CCM2: variants seen among roughly 807,000 people sequenced by gnomAD.
CCM2 encodes the protein cerebral cavernous malformations 2 protein.
CCM2 carries 25 observed loss-of-function variants against 44.9 expected under a neutral mutation model. The observed-to-expected ratio is 0.56, with a 90% CI of 0.41 to 0.78. The LOEUF (loss-of-function observed/expected upper bound fraction) is 0.78. Among genes scored for constraint, CCM2 ranks in the 30% least tolerant of loss-of-function variants. CCM2 has a pLI of 0.00. For synonymous variants in CCM2, 219 were observed against 241.1 expected, an observed-to-expected ratio of 0.91 and a Z score of 0.85; for missense variants, 481 against 580.6, an observed-to-expected ratio of 0.83 and a Z score of 1.76.
intron 1 of CCM2, among the ~76,000 whole-genome samples, chr7:45,030,628 TG>T (rs1796921016): frequency 6.6e-6 from 1 of 152,218 alleles, no homozygotes; most frequent in South Asian, 2.1e-4. Flanking sequence ...TTGTCCAGGC[TG>T]GTCTTGAACT....
Position 45,025,221 on chromosome 7 carries a change from A to G in CCM2, c.31-13032A>G, listed in dbSNP as rs562284814. On this transcript the variant is annotated intron_variant, in intron 1 of 9. Transcript: ENST00000258781. Reference sequence around the variant, plus strand: ...TTTTATTGATGAAATTCAAGGTATAATAATTGAGTACAATTTTTTGTAATA... The same window carrying G: ...TTTTATTGATGAAATTCAAGGTATAGTAATTGAGTACAATTTTTTGTAATA... Among the ~76,000 whole-genome samples, 41 of 152,334 alleles carry G rather than the reference A, an allele frequency of 2.7e-4. No individual in the cohort carries two copies. The South Asian group carries it at 8.3e-3, about 31-fold the overall frequency.
At chr7:45,049,357 C>T (rs969609020) in intron 2 of CCM2, among the ~76,000 whole-genome samples, 3 of 152,296 alleles carry the variant, frequency 2.0e-5, no homozygotes, top group South Asian at 4.1e-4. Flanking sequence ...GTGCACCCTC[C>T]GTGGGAGGAA....
At chr7:45,003,562 G>A (rs1301037254) in intron 1 of CCM2, among the ~76,000 whole-genome samples, 5 of 151,564 alleles carry the variant, frequency 3.3e-5, no homozygotes, top group Admixed American at 1.3e-4. Flanking sequence ...GTGAAACCCC[G>A]TCTCTACTAA....
At position 45,069,853 on chromosome 7, in the gene CCM2, C is replaced by G. The variant is rs1231367260; in HGVS notation, c.637C>G (p.Leu213Val). ...CGCTGCGGAGGAGCTTTGCTGTCTG[C>G]TAGGCCAGGTCTTCCAGGTTGTTTA... Reference protein sequence around the residue: ...KVAAEELCCLLGQVFQVVYTE... With the variant: ...KVAAEELCCLVGQVFQVVYTE... The change falls in exon 6 of 10, where the codon CTA becomes GTA. Residue 213 changes from leucine to valine, a missense_variant. Transcript: ENST00000258781. 1 of 1,614,214 alleles carries G rather than the reference C, an allele frequency of 6.2e-7. No homozygotes were observed. Among genetic ancestry groups the G allele is most frequent in the Non-Finnish European group, 8.5e-7 (1 of 1,180,044 alleles).
Position 45,076,251 on chromosome 7 carries a change from G to T in CCM2, c.*194G>T, listed in dbSNP as rs1307557282. ...GCCGAGGGACACGAGCCTCAGTGCGGGGTGGAAGGCTCTTTGCCTTGTCCA... is the reference window on the plus strand; with the variant it reads ...GCCGAGGGACACGAGCCTCAGTGCGTGGTGGAAGGCTCTTTGCCTTGTCCA... On this transcript the variant is annotated 3_prime_UTR_variant, in exon 10 of 10. Coordinates refer to ENST00000258781, the MANE Select transcript of CCM2 (RefSeq NM_031443.4). 1.3e-6 allele frequency: 1 copy of T among 790,288 alleles called. No homozygotes were observed. The highest frequency in any genetic ancestry group is 2.1e-6 in the Non-Finnish European group (1 of 469,344). The allele number at this position is 790,288 out of a possible 1,614,324, so 49.0% of individuals were successfully genotyped here.
intron 5 of CCM2, among the ~76,000 whole-genome samples, 165 bp downstream of exon 5, chr7:45,068,744 C>G (rs1326228813): frequency 6.6e-6 from 1 of 152,118 alleles, no homozygotes; most frequent in African/African-American, 2.4e-5. Context: ...CCACCCAGCC[C>G]CACCTCTCTC....
At chr7:45,053,853 A>G (rs938627428) in intron 2 of CCM2, among the ~76,000 whole-genome samples, 2 of 152,176 alleles carry the variant, frequency 1.3e-5, no homozygotes, top group African/African-American at 4.8e-5. Context: ...TGTCGATTAT[A>G]GTATGTCTAC....
chr7:45,058,900 AT>A (rs71565945), intron 2 of CCM2, among the ~76,000 whole-genome samples: 234 of 142,524 alleles, frequency 1.6e-3, no homozygotes, highest in Admixed American at 1.7e-3. Flanking sequence ...CGCCCAGCTA[AT>A]TTTTTTTTTT....
At chr7:45,019,985 A>G (rs957179473) in intron 1 of CCM2, among the ~76,000 whole-genome samples, 1 of 152,084 alleles carries the variant, frequency 6.6e-6, no homozygotes, top group African/African-American at 2.4e-5. Context: ...GGGACCTTAT[A>G]CTCAGACTTT....
intron 2 of CCM2, among the ~76,000 whole-genome samples, chr7:45,061,914 C>T (rs1289640783): frequency 6.6e-6 from 1 of 152,194 alleles, no homozygotes; most frequent in Non-Finnish European, 1.5e-5. Context: ...GGGACCTCCC[C>T]AGTGACTATT....
At chr7:45,004,361 CAA>C (rs983153434) in intron 1 of CCM2, among the ~76,000 whole-genome samples, 1 of 152,086 alleles carries the variant, frequency 6.6e-6, no homozygotes, top group African/African-American at 2.4e-5. Context: ...ATAGAAGAAA[CAA>C]AGGGGATAGC....
chr7:45,055,392 A>G lies in CCM2; in HGVS notation c.205-8526A>G, dbSNP rs539073881. ...AATTTTTTATTGTAGTAAAATATAC[A>G]TAAGATTTATTATCGGCCGGGCCCG... On this transcript the variant is annotated intron_variant, in intron 2 of 9. Transcript: ENST00000258781. Among the ~76,000 whole-genome samples, 16 of 152,344 alleles carry G rather than the reference A, an allele frequency of 1.1e-4. No homozygotes were observed. The South Asian group carries it at 3.3e-3, about 32-fold the overall frequency.
chr7:45,054,344 T>C (rs920269206), intron 2 of CCM2, among the ~76,000 whole-genome samples: 2 of 152,146 alleles, frequency 1.3e-5, no homozygotes, highest in African/African-American at 4.8e-5. Flanking sequence ...ACTAAGGTTC[T>C]CAAAGGCATT....
At chr7:45,034,135 A>C (rs1206248746) in intron 1 of CCM2, among the ~76,000 whole-genome samples, 1 of 151,824 alleles carries the variant, frequency 6.6e-6, no homozygotes, top group Non-Finnish European at 1.5e-5. Flanking sequence ...GCTGTCATAG[A>C]GCCAGGGCCT....
chr7:45,066,106 A>G (rs1227907275), intron 4 of CCM2, among the ~76,000 whole-genome samples: 1 of 152,072 alleles, frequency 6.6e-6, no homozygotes, highest in Non-Finnish European at 1.5e-5. Context: ...TTTTTAATGG[A>G]GAGAGAATGA....
intron 2 of CCM2, among the ~76,000 whole-genome samples, chr7:45,039,083 C>A (rs75209172): frequency 6.6e-6 from 1 of 152,124 alleles, no homozygotes; most frequent in African/African-American, 2.4e-5. Context: ...CTGCAGAGGA[C>A]CCAGAGTCCA....
intron 1 of CCM2, among the ~76,000 whole-genome samples, chr7:45,010,980 T>C (rs1249580301): frequency 2.0e-5 from 3 of 152,202 alleles, no homozygotes; most frequent in African/African-American, 7.2e-5. Context: ...ATGGGAACTA[T>C]ATGTTTAACT....
At position 45,066,385 on chromosome 7, in the gene CCM2, G is replaced by A. The variant is rs181917738; in HGVS notation, c.472+1739G>A. On this transcript the variant is annotated intron_variant, in intron 4 of 9. Transcript: ENST00000258781. ...TGGTCTTGAACTCCTGGCCTCAAGC[G>A]ATCCTCCTGCCTTAGCCTCCCAAAG... is the stretch of plus-strand genomic sequence containing the variant. 6.6e-4 allele frequency among the ~76,000 whole-genome samples: 100 copies of A among 152,204 alleles called. 1 individual carries two copies. Among genetic ancestry groups the A allele is most frequent in the African/African-American group, 2.1e-3 (88 of 41,526 alleles).
rs1274107313 is a variant in CCM2 at position 45,063,823 on chromosome 7, G to GTATGAA, written c.205-94_205-89dup. On this transcript the variant is annotated intron_variant, in intron 2 of 9. Transcript: ENST00000258781. Reference sequence around the variant, plus strand: ...GAGACCCATGGGCCTGGTGGCCTGAGTATGAAGCACTTGGTTTGTGCTCTC... The same window carrying GTATGAA: ...GAGACCCATGGGCCTGGTGGCCTGAGTATGAATATGAAGCACTTGGTTTGTGCTCTC... The GTATGAA allele has an allele frequency of 3.5e-6, 3 of 867,364 alleles. No individual in the cohort carries two copies. In the African/African-American group the frequency reaches 4.9e-5, roughly 14 times the overall value. 53.7% of individuals were successfully genotyped at this position (867,364 alleles called of 1,614,324 possible).
Sources: allele counts gnomAD v4.1 joint callset (sites outside exome capture counted in the v4.1 genomes callset), GRCh38; gene constraint gnomAD v4.1.1; transcripts MANE v1.5; gene names NCBI Gene and HGNC (gene_info 2026-07-23, HGNC 2026-07-21).